LRRC4B: variants seen among roughly 807,000 people sequenced by gnomAD.
LRRC4B encodes the protein leucine-rich repeat-containing protein 4B.
In LRRC4B, 1 loss-of-function variant was observed where a neutral mutation model predicts 7.3. The ratio of observed to expected loss-of-function variants is 0.14; its 90% confidence interval spans 0.05 to 0.65. The LOEUF (loss-of-function observed/expected upper bound fraction) is 0.65, where lower values mean the gene tolerates loss of function less well. Among genes scored for constraint, LRRC4B ranks in the 30% least tolerant of loss-of-function variants. The pLI is 0.84. For missense variants in LRRC4B, 730 were observed against 1,041.6 expected, an observed-to-expected ratio of 0.70 and a Z score of 4.12; for synonymous variants, 500 against 499.2, an observed-to-expected ratio of 1.00 and a Z score of -0.02.
chr19:50,521,385 C>T (rs1409864446), intron 2 of LRRC4B, among the ~76,000 whole-genome samples: 1 of 152,114 alleles, frequency 6.6e-6, no homozygotes, highest in Non-Finnish European at 1.5e-5. Context: ...CCAAACTACA[C>T]TTAAAATGAG....
At chr19:50,565,573 G>A (rs926919318) in intron 1 of LRRC4B, among the ~76,000 whole-genome samples, 1 of 150,346 alleles carries the variant, frequency 6.7e-6, no homozygotes, top group Non-Finnish European at 1.5e-5. Context: ...ACCTGCCAGG[G>A]GAATCTTTGC....
intron 2 of LRRC4B, among the ~76,000 whole-genome samples, chr19:50,528,319 G>T (rs1308600647): frequency 6.6e-6 from 1 of 152,106 alleles, no homozygotes; most frequent in Non-Finnish European, 1.5e-5. Flanking sequence ...GGGATTACAG[G>T]TGTGAGTCAC....
intron 1 of LRRC4B, among the ~76,000 whole-genome samples, chr19:50,550,446 C>T (rs968418959): frequency 4.0e-5 from 3 of 74,306 alleles, no homozygotes; most frequent in South Asian, 5.0e-4. Context: ...CACCCTCTCA[C>T]GGTGGACTCT....
rs1457152445 is a variant in LRRC4B at position 50,537,526 on chromosome 19, T to G, written c.297+11016A>C. On this transcript the variant is annotated intron_variant, in intron 2 of 2. Coordinates refer to ENST00000652263, the MANE Select transcript of LRRC4B (RefSeq NM_001080457.2). The surrounding 1 kb of genome is among the most constrained non-coding windows in gnomAD (Gnocchi z 5.5). Reference sequence around the variant, plus strand: ...ACGCGGGTCTTGTGCCTCTCAGGACTCGCAGGCTGCTCAACAGAGATGTGG... The same window carrying G: ...ACGCGGGTCTTGTGCCTCTCAGGACGCGCAGGCTGCTCAACAGAGATGTGG... Among the ~76,000 whole-genome samples, 1 of 152,188 alleles carries G rather than the reference T, an allele frequency of 6.6e-6. No homozygotes were observed. The highest frequency in any genetic ancestry group is 1.5e-5 in the Non-Finnish European group (1 of 68,032).
At chr19:50,554,134 C>T (rs745707636) in intron 1 of LRRC4B, among the ~76,000 whole-genome samples, 1 of 151,754 alleles carries the variant, frequency 6.6e-6, no homozygotes, top group Non-Finnish European at 1.5e-5. Flanking sequence ...GCTGAGACTA[C>T]AGGCGCTCAC....
chr19:50,565,195 T>C (rs62116099), intron 1 of LRRC4B, among the ~76,000 whole-genome samples: 92,281 of 152,078 alleles, frequency 0.61, 28,677 homozygotes, highest in Non-Finnish European at 0.68. Context: ...TGCGCCACAG[T>C]GCACAGCTCT....
intron 2 of LRRC4B, among the ~76,000 whole-genome samples, chr19:50,526,147 G>A (rs1980798905): frequency 6.6e-6 from 1 of 152,076 alleles, no homozygotes; most frequent in Non-Finnish European, 1.5e-5. Flanking sequence ...CCGCTGTGCT[G>A]CCACCAAGGC....
At chr19:50,560,299 C>A (rs1343126774) in intron 1 of LRRC4B, among the ~76,000 whole-genome samples, 1 of 152,120 alleles carries the variant, frequency 6.6e-6, no homozygotes, top group African/African-American at 2.4e-5. Flanking sequence ...AAGAATGAAG[C>A]CCCCTCCTCT....
Position 50,518,936 on chromosome 19 carries a change from C to T in LRRC4B, c.777G>A (p.Trp259Ter). Residue 259 changes from tryptophan (W) to a stop codon, truncating the protein, a stop_gained, in exon 3 of 3, where the codon TGG (tryptophan) becomes TGA (stop). Coordinates refer to ENST00000652263, the MANE Select transcript of LRRC4B (RefSeq NM_001080457.2). LOFTEE classifies it low-confidence loss of function (END_TRUNC). ...FQGLTSLRKL[W>*]LMHAQVATIE... Reference sequence around the variant, plus strand: ...TGGTGGCTACCTGGGCGTGCATGAGCCACAGCTTGCGCAGGCTGGTGAGAC... The same window carrying T: ...TGGTGGCTACCTGGGCGTGCATGAGTCACAGCTTGCGCAGGCTGGTGAGAC... 6.2e-7 allele frequency: 1 copy of T among 1,613,972 alleles called. No individual in the cohort carries two copies. The highest frequency in any genetic ancestry group is 8.5e-7 in the Non-Finnish European group (1 of 1,179,976).
chr19:50,541,368 C>CAAAAAAAA (rs71332010), intron 2 of LRRC4B, among the ~76,000 whole-genome samples: 10 of 75,006 alleles, frequency 1.3e-4, no homozygotes, highest in African/African-American at 3.1e-4. Context: ...GACTCTATCT[C>CAAAAAAAA]AAAAAAAAAA....
intron 2 of LRRC4B, among the ~76,000 whole-genome samples, chr19:50,528,032 T>C (rs1331524343): frequency 6.6e-6 from 1 of 151,922 alleles, no homozygotes; most frequent in Non-Finnish European, 1.5e-5. Context: ...TGAGCCACCG[T>C]GCCTGGCCCT....
intron 1 of LRRC4B, among the ~76,000 whole-genome samples, chr19:50,564,163 T>C (rs1438019353): frequency 6.6e-6 from 1 of 151,982 alleles, no homozygotes; most frequent in African/African-American, 2.4e-5. Flanking sequence ...TGGGGAGTGG[T>C]GGCCCTTTGC....
At chr19:50,535,458 C>G (rs1239368639) in intron 2 of LRRC4B, among the ~76,000 whole-genome samples, 1 of 152,212 alleles carries the variant, frequency 6.6e-6, no homozygotes, top group Non-Finnish European at 1.5e-5. Context: ...AGACGTGAAC[C>G]ACTGCACTCG....
intron 2 of LRRC4B, among the ~76,000 whole-genome samples, chr19:50,545,592 C>G (rs1475950577): frequency 6.6e-6 from 1 of 151,430 alleles, no homozygotes; most frequent in Admixed American, 6.6e-5. Context: ...AAAAATGAAA[C>G]CATTTACATA....
chr19:50,520,980 G>A (rs1980555114), intron 2 of LRRC4B, among the ~76,000 whole-genome samples: 1 of 152,136 alleles, frequency 6.6e-6, no homozygotes, highest in Admixed American at 6.6e-5. Flanking sequence ...GCCTAAGCTG[G>A]AGACATCCCA....
intron 2 of LRRC4B, among the ~76,000 whole-genome samples, chr19:50,534,285 G>T (rs982593450): frequency 2.0e-5 from 3 of 151,808 alleles, no homozygotes; most frequent in African/African-American, 7.2e-5. Context: ...CCCCTCCAAG[G>T]CCTGATTTGA....
rs1980428877 is a variant in LRRC4B at position 50,518,903 on chromosome 19, G to T, written c.810C>A (p.Arg270=). The change falls in exon 3 of 3, where the codon CGC becomes CGA. Residue 270 remains arginine, a synonymous_variant. Transcript: ENST00000652263. ...LMHAQVATIE[R]NAFDDLKSLE... ...GCGACTTGAGGTCGTCGAAGGCGTT[G>T]CGCTCGATGGTGGCTACCTGGGCGT... 1 of 1,613,958 alleles carries T rather than the reference G, an allele frequency of 6.2e-7. No individual in the cohort carries two copies. Among genetic ancestry groups the T allele is most frequent in the Admixed American group, 1.7e-5 (1 of 60,010 alleles).
chr19:50,545,250 A>T (rs1396424457), intron 2 of LRRC4B, among the ~76,000 whole-genome samples: 1 of 151,830 alleles, frequency 6.6e-6, no homozygotes, highest in East Asian at 1.9e-4. Context: ...TCTACTAAAA[A>T]TACAAAATTA....
At chr19:50,551,408 A>T (rs975251884) in intron 1 of LRRC4B, among the ~76,000 whole-genome samples, 9 of 148,628 alleles carry the variant, frequency 6.1e-5, no homozygotes, top group Non-Finnish European at 1.3e-4. Context: ...CCACTGCAGC[A>T]GTTCTCTGCT....
Sources: gnomAD v4.1 joint callset for allele counts (sites outside exome capture counted in the v4.1 genomes callset) on GRCh38, gnomAD v4.1.1 for gene constraint, Gnocchi (gnomAD v3.1) non-coding constraint, MANE v1.5 for transcripts, NCBI Gene and HGNC (gene_info 2026-07-23, HGNC 2026-07-21) for gene names.